The following CNTLN variants were observed in gnomAD, a reference collection of about 807,000 sequenced individuals.
CNTLN encodes centlein, centrosomal protein.
CNTLN carries 212 observed loss-of-function variants against 180.0 expected under a neutral mutation model. The ratio of observed to expected loss-of-function variants is 1.18; its 90% CI spans 1.05 to 1.32. The LOEUF (loss-of-function observed/expected upper bound fraction) is 1.32, where lower values mean the gene tolerates loss of function less well. Ranked by LOEUF, CNTLN falls within the 40% of genes most tolerant of loss-of-function variation. The pLI is 0.00. For synonymous variants in CNTLN, 722 were observed against 563.1 expected, an observed-to-expected ratio of 1.28 and a Z score of -3.99; for missense variants, 2,095 against 1,610.9, an observed-to-expected ratio of 1.30 and a Z score of -5.14.
chr9:17,241,627 G>A (rs1825498135), intron 5 of CNTLN, among the ~76,000 whole-genome samples: 1 of 142,378 alleles, frequency 7.0e-6, no homozygotes, highest in Admixed American at 6.9e-5. Context: ...CATAGAATCT[G>A]TAATGGCTTT....
intron 2 of CNTLN, among the ~76,000 whole-genome samples, chr9:17,196,396 AGGATTTTATAAAG>A (rs1476187014): frequency 6.6e-6 from 1 of 152,166 alleles, no homozygotes; most frequent in Non-Finnish European, 1.5e-5. Flanking sequence ...CATCTTTAAA[AGGATTTTATAAAG>A]GGATTTTTAA....
intron 20 of CNTLN, among the ~76,000 whole-genome samples, chr9:17,464,002 C>A (rs1034296896): frequency 6.6e-5 from 10 of 151,406 alleles, no homozygotes; most frequent in African/African-American, 2.4e-4. Flanking sequence ...CTTAATAGTT[C>A]ATCAACTTAT....
At chr9:17,226,334 G>T (rs377028293) in intron 3 of CNTLN, 47 bp downstream of exon 3, 18 of 1,014,128 alleles carry the variant, frequency 1.8e-5, no homozygotes, top group Non-Finnish European at 2.4e-5. Context: ...TTTGTTTTGG[G>T]TAGTAGATCT....
chr9:17,369,016 G>A (rs1824081014), intron 13 of CNTLN, among the ~76,000 whole-genome samples: 1 of 152,304 alleles, frequency 6.6e-6, no homozygotes, highest in Admixed American at 6.5e-5. Flanking sequence ...GACTATCCAA[G>A]TGATAGGTTA....
chr9:17,191,671 C>T (rs552512599), intron 2 of CNTLN, among the ~76,000 whole-genome samples: 1 of 152,256 alleles, frequency 6.6e-6, no homozygotes, highest in South Asian at 2.1e-4. Flanking sequence ...AAAATGCTTA[C>T]AGCAGAGGCT....
Position 17,467,690 on chromosome 9 carries a change from C to A in CNTLN, c.3855+799C>A, listed in dbSNP as rs190988822. ...TTTAGTAAATGTAATTTACCTTTTCCAGATTCAAAACACTATTTTTTGTAA... is the reference window on the plus strand; with the variant it reads ...TTTAGTAAATGTAATTTACCTTTTCAAGATTCAAAACACTATTTTTTGTAA... On this transcript the variant is annotated intron_variant, in intron 23 of 25. Coordinates refer to ENST00000380647, the MANE Select transcript of CNTLN (RefSeq NM_017738.4). Among the ~76,000 whole-genome samples the A allele has an allele frequency of 1.5e-3, 222 of 151,656 alleles. 5 individuals are homozygous for A. Among genetic ancestry groups the A allele is most frequent in the Admixed American group, 0.015 (220 of 15,144 alleles).
At chr9:17,291,450 G>C (rs913465756) in intron 6 of CNTLN, among the ~76,000 whole-genome samples, 7 of 152,160 alleles carry the variant, frequency 4.6e-5, no homozygotes, top group Admixed American at 2.0e-4. Flanking sequence ...AAGTGTCTTT[G>C]TAGGTCTCTA....
At chr9:17,499,454 C>T (rs1327460862) in intron 25 of CNTLN, among the ~76,000 whole-genome samples, 1 of 152,100 alleles carries the variant, frequency 6.6e-6, no homozygotes, top group African/African-American at 2.4e-5. Flanking sequence ...GTTTTGTGTA[C>T]AATCTATGAA....
chr9:17,522,425 C>T, the CNTLN span, among the ~76,000 whole-genome samples: 1 of 152,220 alleles, frequency 6.6e-6, no homozygotes, highest in Non-Finnish European at 1.5e-5. Flanking sequence ...AACCTCAGGA[C>T]TTTCAAACCC....
intron 2 of CNTLN, among the ~76,000 whole-genome samples, chr9:17,143,902 C>T (rs1818274875): frequency 6.6e-6 from 1 of 152,120 alleles, no homozygotes; most frequent in Non-Finnish European, 1.5e-5. Flanking sequence ...GATTGTTGGG[C>T]CTCTCCTTGG....
intron 15 of CNTLN, among the ~76,000 whole-genome samples, chr9:17,400,742 C>T (rs943878247): frequency 6.6e-6 from 1 of 152,100 alleles, no homozygotes; most frequent in Non-Finnish European, 1.5e-5. Context: ...CCCCTTACCC[C>T]ATCCTCAGCA....
chr9:17,401,085 T>C (rs1339584060), intron 15 of CNTLN, among the ~76,000 whole-genome samples: 1 of 152,348 alleles, frequency 6.6e-6, no homozygotes, highest in South Asian at 2.1e-4. Flanking sequence ...GGTTTGTCTG[T>C]ACTTTCTGAA....
chr9:17,270,565 A>G (rs894116073), intron 5 of CNTLN, among the ~76,000 whole-genome samples: 3 of 152,070 alleles, frequency 2.0e-5, no homozygotes, highest in Non-Finnish European at 4.4e-5. Context: ...GTTCCTTTTT[A>G]TGTCCTTCCC....
intron 8 of CNTLN, among the ~76,000 whole-genome samples, chr9:17,325,976 A>C (rs1400118864): frequency 6.6e-6 from 1 of 152,086 alleles, no homozygotes; most frequent in Non-Finnish European, 1.5e-5. Flanking sequence ...TCTTGGATTT[A>C]ATGCAACATG....
intron 19 of CNTLN, 51 bp downstream of exon 19, chr9:17,457,766 G>A (rs2134160705): frequency 8.9e-7 from 1 of 1,127,176 alleles, no homozygotes; most frequent in Non-Finnish European, 1.2e-6. Context: ...CTTGAATCCT[G>A]CAAGACATAT....
At chr9:17,500,776 ATGCGTGTAGTAC>A (rs72072487) in intron 25 of CNTLN, among the ~76,000 whole-genome samples, 53,850 of 151,748 alleles carry the variant, frequency 0.35, 9,689 homozygotes, top group South Asian at 0.51. Context: ...TTAGATAGGA[ATGCGTGTAGTAC>A]TGCGTGACAT....
chr9:17,164,874 C>T (rs1319631900), intron 2 of CNTLN, among the ~76,000 whole-genome samples: 5 of 137,196 alleles, frequency 3.6e-5, no homozygotes, highest in Admixed American at 2.3e-4. Context: ...CTCACTCTGT[C>T]GCCCAGGCTC....
chr9:17,286,655 A>G (rs2132638752), intron 6 of CNTLN, among the ~76,000 whole-genome samples: 3 of 125,784 alleles, frequency 2.4e-5, no homozygotes, highest in East Asian at 2.4e-4. Context: ...ATGTTCTTCC[A>G]TTTGTTTGTA....
At chr9:17,408,752 G>C (rs2133836935) in intron 15 of CNTLN, among the ~76,000 whole-genome samples, 1 of 150,290 alleles carries the variant, frequency 6.7e-6, no homozygotes. Flanking sequence ...CATGAGCCAA[G>C]ATCGCGCCAC....
Sources: gnomAD v4.1 joint callset for allele counts (sites outside exome capture counted in the v4.1 genomes callset) on GRCh38, gnomAD v4.1.1 for gene constraint, MANE v1.5 for transcripts, NCBI Gene and HGNC (gene_info 2026-07-23, HGNC 2026-07-21) for gene names.